Variants in CSMD2 observed in about 807,000 individuals in gnomAD.
The protein encoded by CSMD2 is CUB and Sushi multiple domains 2.
Under a neutral mutation model 398.5 loss-of-function variants are expected in CSMD2, and 130 were observed. That is an observed-to-expected ratio of 0.33 (90% CI 0.28 to 0.38). The LOEUF is 0.38. Among genes scored for constraint, CSMD2 ranks in the 10% least tolerant of loss-of-function variants. The pLI, the probability that CSMD2 is intolerant of heterozygous loss-of-function variation, is 1.00. For missense variants in CSMD2, 3,829 were observed against 4,764.9 expected, an observed-to-expected ratio of 0.80 and a Z score of 5.78; for synonymous variants, 1,828 against 1,908.5, an observed-to-expected ratio of 0.96 and a Z score of 1.10.
chr1:33,577,640 G>GA (rs1638378310), intron 48 of CSMD2, among the ~76,000 whole-genome samples, 156 bp from the exon 49 acceptor site: 2 of 152,040 alleles, frequency 1.3e-5, no homozygotes, highest in Non-Finnish European at 2.9e-5. Flanking sequence ...GGTGGATATT[G>GA]AAAAACACCC....
At chr1:34,041,910 G>C (rs759561279) in intron 2 of CSMD2, among the ~76,000 whole-genome samples, 6 of 152,188 alleles carry the variant, frequency 3.9e-5, no homozygotes, top group Non-Finnish European at 7.3e-5. Flanking sequence ...CACCTCTCAA[G>C]TTCAATCCAA....
At chr1:34,107,568 A>AG (rs2148431303) in intron 1 of CSMD2, among the ~76,000 whole-genome samples, 1 of 152,298 alleles carries the variant, frequency 6.6e-6, no homozygotes, top group South Asian at 2.1e-4. Flanking sequence ...AATCAACCCC[A>AG]GGCAATCTGG....
intron 10 of CSMD2, among the ~76,000 whole-genome samples, chr1:33,798,681 G>A (rs775992549): frequency 2.2e-4 from 34 of 152,304 alleles, no homozygotes; most frequent in African/African-American, 7.7e-4. Context: ...TGTGAAGGGA[G>A]GATTGGAGGC....
At chr1:33,739,063 T>C (rs1197881818) in intron 15 of CSMD2, 77 bp downstream of exon 15, 1 of 1,417,122 alleles carries the variant, frequency 7.1e-7, no homozygotes, top group Non-Finnish European at 9.6e-7. Context: ...GGAACCACCA[T>C]GGCCTGGGCT....
intron 3 of CSMD2, among the ~76,000 whole-genome samples, chr1:33,962,128 G>A (rs1187043436): frequency 6.6e-6 from 1 of 152,174 alleles, no homozygotes; most frequent in Non-Finnish European, 1.5e-5. Flanking sequence ...GCAAGAGAGA[G>A]GATGCTCAGG....
intron 22 of CSMD2, among the ~76,000 whole-genome samples, chr1:33,707,513 A>G (rs1255142762): frequency 2.6e-5 from 4 of 152,264 alleles, no homozygotes; most frequent in African/African-American, 9.6e-5. Context: ...TGGGAGACAC[A>G]CACTGTTTTT....
At chr1:33,844,816 C>T (rs930328099) in intron 6 of CSMD2, among the ~76,000 whole-genome samples, 12 of 152,254 alleles carry the variant, frequency 7.9e-5, no homozygotes, top group Middle Eastern at 3.4e-3. Flanking sequence ...TATACACTGG[C>T]GCACACTAAC....
chr1:34,116,272 C>A (rs1410323348), intron 1 of CSMD2, among the ~76,000 whole-genome samples: 1 of 151,788 alleles, frequency 6.6e-6, no homozygotes, highest in East Asian at 1.9e-4. Flanking sequence ...ATATTCCATG[C>A]AATAGGCTAA....
rs61458030 is a variant in CSMD2, at chr1:33,790,691, CT to C, written c.1550+1731del. Reference sequence around the variant, plus strand: ...TCTATCTATCTATCTATCTATCTATCTATCTATCTATCATCTATCTGTCTAT... The same window carrying C: ...TCTATCTATCTATCTATCTATCTATCATCTATCTATCATCTATCTGTCTAT... On this transcript the variant is annotated intron_variant, in intron 11 of 70. Transcript: ENST00000373381. Among the ~76,000 whole-genome samples the C allele has an allele frequency of 2.4e-3, 327 of 134,116 alleles. 1 individual carries two copies. Among genetic ancestry groups the C allele is most frequent in the African/African-American group, 9.7e-3 (314 of 32,452 alleles). The allele number at this position is 134,116 out of a possible 152,430, so 88.0% of individuals were successfully genotyped here.
chr1:34,089,868 A>C (rs540106761), intron 1 of CSMD2, among the ~76,000 whole-genome samples: 1 of 152,196 alleles, frequency 6.6e-6, no homozygotes, highest in East Asian at 1.9e-4. Context: ...TAAGAAAAAA[A>C]TTCCCTACCC....
chr1:33,783,431 T>TTCTCTCATTC (rs1553204698), intron 12 of CSMD2, among the ~76,000 whole-genome samples: 1 of 135,150 alleles, frequency 7.4e-6, no homozygotes, highest in African/African-American at 2.9e-5. Flanking sequence ...CATTCTCTCA[T>TTCTCTCATTC]TCTCTCTCTC....
chr1:33,537,621 A>G lies in CSMD2; in HGVS notation c.9632-12T>C, dbSNP rs1655927556. ...CCCGCAGAACACAGCTGGGAAGACG[A>G]AGGGAGAAAGGCAGGTCTAAGTTGC... On this transcript the variant is annotated splice_polypyrimidine_tract_variant and intron_variant, in intron 60 of 70. Transcript: ENST00000373381. This position sits in a 1 kb window ranked among gnomAD's most constrained non-coding sequence, Gnocchi z 4.6. 6 of 1,604,886 alleles carry G rather than the reference A, an allele frequency of 3.7e-6. No individual in the cohort carries two copies. Among genetic ancestry groups the G allele is most frequent in the Non-Finnish European group, 5.1e-6 (6 of 1,174,828 alleles).
intron 32 of CSMD2, among the ~76,000 whole-genome samples, chr1:33,630,061 A>G (rs1372187205): frequency 6.7e-6 from 1 of 148,936 alleles, no homozygotes; most frequent in Non-Finnish European, 1.5e-5. Context: ...TTCCTCCCCC[A>G]TCTTCTTCCT....
At chr1:33,796,686 T>C (rs887001461) in intron 10 of CSMD2, among the ~76,000 whole-genome samples, 1 of 152,152 alleles carries the variant, frequency 6.6e-6, no homozygotes, top group Non-Finnish European at 1.5e-5. Context: ...AACAGCAATT[T>C]TCATGGAACA....
chr1:34,136,338 G>A (rs1384393877), intron 1 of CSMD2, among the ~76,000 whole-genome samples: 1 of 152,226 alleles, frequency 6.6e-6, no homozygotes, highest in Non-Finnish European at 1.5e-5. Flanking sequence ...AATGTGCTGT[G>A]GATGTTAGCC....
chr1:33,821,719 AC>A (rs1557949982), intron 7 of CSMD2, among the ~76,000 whole-genome samples: 2 of 152,280 alleles, frequency 1.3e-5, no homozygotes, highest in Non-Finnish European at 2.9e-5. Context: ...GTCAGATAAG[AC>A]CACTGTCCTC....
intron 15 of CSMD2, among the ~76,000 whole-genome samples, chr1:33,737,364 C>T (rs1326215549): frequency 6.6e-6 from 1 of 152,172 alleles, no homozygotes; most frequent in African/African-American, 2.4e-5. Context: ...TGGAAACGCA[C>T]CACTTGATCC....
chr1:33,677,745 T>G (rs1644765143), intron 25 of CSMD2, among the ~76,000 whole-genome samples: 1 of 151,960 alleles, frequency 6.6e-6, no homozygotes, highest in Admixed American at 6.6e-5. Context: ...TAAGAAAATG[T>G]GGCACATATA....
chr1:33,797,531 G>A (rs1655094073), intron 10 of CSMD2, among the ~76,000 whole-genome samples: 1 of 152,188 alleles, frequency 6.6e-6, no homozygotes, highest in Non-Finnish European at 1.5e-5. Flanking sequence ...CTCCCACCAG[G>A]CAGGCAGTCA....
Sources: gnomAD v4.1 joint callset for allele counts (sites outside exome capture counted in the v4.1 genomes callset) on GRCh38, gnomAD v4.1.1 for gene constraint, Gnocchi (gnomAD v3.1) non-coding constraint, MANE v1.5 for transcripts, NCBI Gene and HGNC (gene_info 2026-07-23, HGNC 2026-07-21) for gene names.